CDK5RAP2: variants seen among roughly 807,000 people sequenced by gnomAD.
CDK5RAP2 encodes CDK5 regulatory subunit-associated protein 2.
A neutral mutation model predicts 232.9 loss-of-function variants in CDK5RAP2; 147 were observed. The observed-to-expected ratio is 0.63, with a 90% confidence interval of 0.55 to 0.72. The LOEUF is 0.72. Ranked by LOEUF, CDK5RAP2 falls within the 30% of genes least tolerant of loss-of-function variation. CDK5RAP2 has a pLI of 0.00. For missense variants in CDK5RAP2, 2,195 were observed against 2,231.5 expected (o/e 0.98, Z 0.33); for synonymous variants, 833 against 833.7 (o/e 1.00, Z 0.01).
chr9:120,564,647 A>T (rs1165657117), intron 3 of CDK5RAP2, among the ~76,000 whole-genome samples: 1 of 152,204 alleles, frequency 6.6e-6, no homozygotes, highest in Non-Finnish European at 1.5e-5. Context: ...CCTTTTATTA[A>T]GCCTTGATTT....
In CDK5RAP2 at chr9:120,439,694, T is replaced by C. The variant is rs1175956661; in HGVS notation, c.3427A>G (p.Ile1143Val). ...TCTGTCCCACACAAAACTGTAATTA[T>C]GGCCTCACTGCACTGGGAGTGCTTT... is the stretch of plus-strand genomic sequence containing the variant. ...LQKHSQCSEA[I>V]ITVLCGTEGA... Residue 1143 changes from isoleucine to valine, a missense_variant, in exon 24 of 38, where the codon ATA (isoleucine) becomes GTA (valine). Coordinates refer to ENST00000349780, the MANE Select transcript of CDK5RAP2 (RefSeq NM_018249.6). The C allele has an allele frequency of 3.1e-6, 5 of 1,614,126 alleles. No individual in the cohort carries two copies. Among genetic ancestry groups the C allele is most frequent in the Admixed American group, 3.3e-5 (2 of 60,012 alleles).
In CDK5RAP2 at chr9:120,397,562, A is replaced by G. The variant is rs1463290288; in HGVS notation, c.5452-2924T>C. Reference sequence around the variant, plus strand: ...ACATTCTTAAAAAAAAAAAAAAAAAAAAAGAAAAAAGAAAAAAAAAAAAGC... The same window carrying G: ...ACATTCTTAAAAAAAAAAAAAAAAAGAAAGAAAAAAGAAAAAAAAAAAAGC... On this transcript the variant is annotated intron_variant, in intron 35 of 37. Transcript: ENST00000349780. Among the ~76,000 whole-genome samples the G allele has an allele frequency of 2.0e-3, 248 of 121,934 alleles. 1 individual carries two copies. The highest frequency in any genetic ancestry group is 8.2e-3 in the African/African-American group (223 of 27,148). 80.0% of individuals were successfully genotyped at this position (121,934 alleles called of 152,430 possible).
At chr9:120,553,390 G>A (rs1320407689) in intron 3 of CDK5RAP2, among the ~76,000 whole-genome samples, 1 of 152,156 alleles carries the variant, frequency 6.6e-6, no homozygotes. Flanking sequence ...CTATCACCAT[G>A]TTTAAATAGC....
intron 23 of CDK5RAP2, among the ~76,000 whole-genome samples, chr9:120,442,123 G>A (rs1011660690): frequency 2.0e-5 from 3 of 152,188 alleles, no homozygotes; most frequent in Non-Finnish European, 4.4e-5. Context: ...CTTTCCTTAA[G>A]TAATTATGAG....
intron 18 of CDK5RAP2, among the ~76,000 whole-genome samples, chr9:120,464,973 C>G (rs903324078): frequency 2.6e-5 from 4 of 152,278 alleles, no homozygotes; most frequent in East Asian, 3.9e-4. Context: ...TTCTGACAAC[C>G]ATTTCTGTCC....
intron 21 of CDK5RAP2, among the ~76,000 whole-genome samples, chr9:120,449,376 T>C (rs1275226440): frequency 1.3e-5 from 2 of 152,196 alleles, no homozygotes; most frequent in African/African-American, 2.4e-5. Context: ...CAGAGAACCT[T>C]AGTATCATTT....
chr9:120,518,488 C>G lies in CDK5RAP2; in HGVS notation c.1250G>C (p.Arg417Thr). The change falls in exon 12 of 38, where the codon AGA becomes ACA. Residue 417 changes from arginine to threonine, a missense_variant. Arg to Thr is a moderately conservative substitution (Grantham distance 71). Transcript: ENST00000349780. ...GGCTTCCTCCAGGTCCTTCTCCAGT[C>G]TCTCCCTCTCCTGCTGCAAGTCACT... ...ELSDLQQERE[R>T]LEKDLEEAHR... The G allele has an allele frequency of 6.2e-7, 1 of 1,613,768 alleles. No homozygotes were observed. Among genetic ancestry groups the G allele is most frequent in the Non-Finnish European group, 8.5e-7 (1 of 1,179,962 alleles).
At chr9:120,470,470 C>G (rs2037635325) in intron 16 of CDK5RAP2, among the ~76,000 whole-genome samples, 1 of 152,134 alleles carries the variant, frequency 6.6e-6, no homozygotes, top group South Asian at 2.1e-4. Context: ...TTCACTGTGG[C>G]CAACTGTGAA....
rs527399247 is a variant in CDK5RAP2, at chr9:120,403,367, C to G, written c.5042-296G>C. 5.5e-5 allele frequency: 24 copies of G among 437,280 alleles called. No homozygotes were observed. The highest frequency in any genetic ancestry group is 4.6e-4 in the South Asian group (21 of 46,096). 27.1% of individuals were successfully genotyped at this position (437,280 alleles called of 1,614,324 possible). A position where few individuals can be genotyped will look rare whatever the true frequency, so the allele number is the denominator to read the frequency against. On this transcript the variant is annotated intron_variant, in intron 33 of 37. Transcript: ENST00000349780. The surrounding 1 kb of genome is among the most constrained non-coding windows in gnomAD (Gnocchi z 4.2). ...GATGACTCAAGCTGGTGCCTGCATT[C>G]CAGTAGCCCACAGTCTGATCAGAAC...
intron 1 of CDK5RAP2, among the ~76,000 whole-genome samples, chr9:120,576,472 C>T (rs1029140206): frequency 6.6e-6 from 1 of 152,118 alleles, no homozygotes; most frequent in Admixed American, 6.6e-5. Flanking sequence ...GAGGCCAAGG[C>T]GGGCAGATCA....
chr9:120,464,793 C>T (rs963133656), intron 18 of CDK5RAP2, among the ~76,000 whole-genome samples: 1 of 152,194 alleles, frequency 6.6e-6, no homozygotes, highest in African/African-American at 2.4e-5. Context: ...AGCTGTTTTA[C>T]TGAGTGCATA....
intron 29 of CDK5RAP2, among the ~76,000 whole-genome samples, chr9:120,411,021 T>C (rs1331773141): frequency 6.6e-6 from 1 of 152,188 alleles, no homozygotes; most frequent in African/African-American, 2.4e-5. Flanking sequence ...TCTTCCACTG[T>C]GAACTAGGAT....
chr9:120,400,142 A>G (rs1322819010), intron 35 of CDK5RAP2, among the ~76,000 whole-genome samples: 1 of 152,182 alleles, frequency 6.6e-6, no homozygotes, highest in African/African-American at 2.4e-5. Flanking sequence ...GATTAGCCAG[A>G]GTGGGCGTTC....
intron 3 of CDK5RAP2, among the ~76,000 whole-genome samples, chr9:120,560,495 T>C (rs1192157210): frequency 6.6e-6 from 1 of 152,232 alleles, no homozygotes; most frequent in African/African-American, 2.4e-5. Context: ...CCTGTGATTA[T>C]GCTCCACTTG....
At chr9:120,512,839 G>A (rs868167868) in intron 12 of CDK5RAP2, among the ~76,000 whole-genome samples, 4 of 152,126 alleles carry the variant, frequency 2.6e-5, no homozygotes, top group African/African-American at 4.8e-5. Context: ...GGAGCATCAC[G>A]CGGGCACACA....
chr9:120,437,880 T>A (rs1564214661), intron 24 of CDK5RAP2, among the ~76,000 whole-genome samples: 1 of 152,148 alleles, frequency 6.6e-6, no homozygotes, highest in Non-Finnish European at 1.5e-5. Context: ...TACCAAAAAT[T>A]CTCATGAAGT....
intron 21 of CDK5RAP2, among the ~76,000 whole-genome samples, chr9:120,452,448 A>C (rs2036529835): frequency 6.6e-6 from 1 of 152,150 alleles, no homozygotes; most frequent in African/African-American, 2.4e-5. Context: ...GCTATAAAGC[A>C]GTGTGTACAG....
chr9:120,521,644 C>CTTTTT (rs71266575), intron 11 of CDK5RAP2, among the ~76,000 whole-genome samples: 12 of 125,758 alleles, frequency 9.5e-5, no homozygotes, highest in East Asian at 2.2e-4. Context: ...ACCTCTTTTT[C>CTTTTT]TTTTTTTTTT....
intron 13 of CDK5RAP2, among the ~76,000 whole-genome samples, chr9:120,489,472 T>A (rs748911819): frequency 1.3e-5 from 2 of 152,194 alleles, no homozygotes; most frequent in Non-Finnish European, 2.9e-5. Flanking sequence ...CTCCTATTAG[T>A]CATATTTTGG....
Sources: gnomAD v4.1 joint callset for allele counts (sites outside exome capture counted in the v4.1 genomes callset) on GRCh38, gnomAD v4.1.1 for gene constraint, Gnocchi (gnomAD v3.1) non-coding constraint, MANE v1.5 for transcripts, NCBI Gene and HGNC (gene_info 2026-07-23, HGNC 2026-07-21) for gene names.